CCDC38: variants seen among roughly 807,000 people sequenced by gnomAD.
The protein encoded by CCDC38 is coiled-coil domain containing 38, also known as coiled-coil domain-containing protein 38.
In CCDC38, 69 loss-of-function variants were observed where a neutral mutation model predicts 72.8. The observed-to-expected ratio is 0.95, with a 90% CI of 0.78 to 1.16. CCDC38 has a LOEUF of 1.16. CCDC38 is among the 50% of genes most tolerant of loss of function. The probability of loss-of-function intolerance (pLI) is 0.00; values close to 1 mark genes in which losing one functional copy is unlikely to be tolerated. For synonymous variants in CCDC38, 201 were observed against 213.2 expected (o/e 0.94, Z 0.50); for missense variants, 626 against 638.9 (o/e 0.98, Z 0.22).
chr12:95,927,887 A>G (rs946208483), intron 2 of CCDC38, among the ~76,000 whole-genome samples: 5 of 149,778 alleles, frequency 3.3e-5, no homozygotes, highest in Non-Finnish European at 5.9e-5. Flanking sequence ...TCTGGCTTGT[A>G]GGGTTTCTGC....
At chr12:95,929,073 C>T (rs1038117623) in intron 2 of CCDC38, among the ~76,000 whole-genome samples, 2 of 152,218 alleles carry the variant, frequency 1.3e-5, no homozygotes, top group Admixed American at 6.5e-5. Flanking sequence ...CCACCCAGTT[C>T]GAGCTTCCCG....
At position 95,906,415 on chromosome 12, in the gene CCDC38, T is replaced by C; in HGVS notation, c.341A>G (p.Asn114Ser). ...DTKRTVHEFI[N>S]DQRDRFLLEY... is the part of the protein sequence containing the mutation. ...GAGCAGAAACCTGTCTCTCTGGTCA[T>C]TAATAAATTCATGGACAGTCCTTTT... Residue 114 changes from asparagine to serine, a missense_variant, in exon 5 of 16, where the codon AAT becomes AGT. Transcript: ENST00000344280. 6.2e-7 allele frequency: 1 copy of C among 1,613,458 alleles called. No homozygotes were observed. Among genetic ancestry groups the C allele is most frequent in the Non-Finnish European group, 8.5e-7 (1 of 1,179,608 alleles).
intron 8 of CCDC38, among the ~76,000 whole-genome samples, chr12:95,892,791 G>A (rs998905267): frequency 2.0e-5 from 3 of 151,678 alleles, no homozygotes; most frequent in Admixed American, 6.6e-5. Context: ...GGCTGGTCTC[G>A]AACTCCTGAC....
chr12:95,924,328 G>A (rs1035631092), intron 2 of CCDC38, among the ~76,000 whole-genome samples: 11 of 147,644 alleles, frequency 7.5e-5, no homozygotes, highest in African/African-American at 2.5e-4. Context: ...TTTTTTGGCT[G>A]CATAAATGTC....
chr12:95,932,191 A>T (rs570820493), intron 2 of CCDC38, among the ~76,000 whole-genome samples: 19 of 152,200 alleles, frequency 1.2e-4, no homozygotes, highest in African/African-American at 3.9e-4. Flanking sequence ...GGAGTGGGGG[A>T]GTCAAGGATT....
chr12:95,895,037 G>A lies in CCDC38; in HGVS notation c.724C>T (p.Gln242Ter). The change falls in exon 8 of 16, where the codon CAG becomes TAG. Residue 242 changes from glutamine to a stop codon, truncating the protein, a stop_gained. Transcript: ENST00000344280. LOFTEE classifies it high-confidence loss of function. ...WQIQQALKRAQASKSKANIIL... is the reference protein window; with the variant it reads ...WQIQQALKRA ...ATATTTGCTTTACTTTTTGATGCCT[G>A]TGCTCTTTTTAGTGCTTGCTGGATT... 1 of 1,612,110 alleles carries A rather than the reference G, an allele frequency of 6.2e-7. No homozygotes were observed. Among genetic ancestry groups the A allele is most frequent in the South Asian group, 1.1e-5 (1 of 90,428 alleles).
At chr12:95,904,186 T>G (rs2079978009) in intron 5 of CCDC38, among the ~76,000 whole-genome samples, 1 of 152,314 alleles carries the variant, frequency 6.6e-6, no homozygotes, top group African/African-American at 2.4e-5. Flanking sequence ...AAATTCATAA[T>G]ATGTCAATGT....
At chr12:95,928,615 C>G (rs1240438513) in intron 2 of CCDC38, among the ~76,000 whole-genome samples, 2 of 152,184 alleles carry the variant, frequency 1.3e-5, no homozygotes, top group African/African-American at 2.4e-5. Context: ...GAGAGGCGCT[C>G]TGCTTTTTAG....
At chr12:95,910,868 T>A (rs1221247461) in intron 4 of CCDC38, among the ~76,000 whole-genome samples, 1 of 152,060 alleles carries the variant, frequency 6.6e-6, no homozygotes, top group Non-Finnish European at 1.5e-5. Flanking sequence ...TGTCTCTAAA[T>A]GAATAAATAA....
intron 12 of CCDC38, among the ~76,000 whole-genome samples, chr12:95,878,666 T>G (rs764741605): frequency 3.9e-5 from 6 of 152,116 alleles, no homozygotes; most frequent in Non-Finnish European, 7.3e-5. Flanking sequence ...TGGCTGATAA[T>G]CAGAATATGT....
intron 11 of CCDC38, chr12:95,880,022 G>A (rs1592757857): frequency 3.3e-6 from 1 of 304,260 alleles, no homozygotes; most frequent in Non-Finnish European, 6.0e-6. Context: ...AAAGGGATGG[G>A]GAAGAAAAAA....
At chr12:95,916,466 A>T (rs1051593531) in intron 4 of CCDC38, among the ~76,000 whole-genome samples, 1 of 150,756 alleles carries the variant, frequency 6.6e-6, no homozygotes, top group African/African-American at 2.4e-5. Context: ...TTTGGAAAAC[A>T]TTCATTTTGG....
chr12:95,894,677 A>G (rs1276173981), intron 8 of CCDC38, among the ~76,000 whole-genome samples: 1 of 152,150 alleles, frequency 6.6e-6, no homozygotes, highest in Non-Finnish European at 1.5e-5. Flanking sequence ...AAGCAGCCTG[A>G]AGCCCCCACC....
intron 13 of CCDC38, among the ~76,000 whole-genome samples, chr12:95,873,960 A>G (rs1417765210): frequency 1.3e-5 from 2 of 152,228 alleles, no homozygotes; most frequent in African/African-American, 4.8e-5. Flanking sequence ...CATGAATGAC[A>G]TGATCCTTTT....
At position 95,881,573 on chromosome 12, in the gene CCDC38, A is replaced by C. The variant is rs2079700629; in HGVS notation, c.921-19T>G. 1 of 1,598,422 alleles carries C rather than the reference A, an allele frequency of 6.3e-7. No individual in the cohort carries two copies. Among genetic ancestry groups the C allele is most frequent in the South Asian group, 1.1e-5 (1 of 88,754 alleles). On this transcript the variant is annotated intron_variant, in intron 10 of 15. Coordinates refer to ENST00000344280, the MANE Select transcript of CCDC38 (RefSeq NM_182496.3). ...AGCCAGGCTGTAAAAGAAAAAAGAA[A>C]AAGAAAATGTCTGATTTGTGAGCCA...
At chr12:95,925,346 C>G (rs887091928) in intron 2 of CCDC38, among the ~76,000 whole-genome samples, 10 of 151,944 alleles carry the variant, frequency 6.6e-5, no homozygotes, top group African/African-American at 1.9e-4. Context: ...CTGTTTGTCT[C>G]TTATTGGTGT....
At chr12:95,892,827 C>G (rs1565949667) in intron 8 of CCDC38, among the ~76,000 whole-genome samples, 1 of 152,028 alleles carries the variant, frequency 6.6e-6, no homozygotes, top group East Asian at 1.9e-4. Flanking sequence ...CCTTGGCCTC[C>G]CAAAATGCTG....
chr12:95,923,151 G>A (rs375514672), intron 2 of CCDC38, among the ~76,000 whole-genome samples: 1 of 152,082 alleles, frequency 6.6e-6, no homozygotes, highest in South Asian at 2.1e-4. Flanking sequence ...CACACCATCA[G>A]TTCCCCTGCT....
chr12:95,870,233 A>G (rs1453020446), intron 14 of CCDC38, among the ~76,000 whole-genome samples: 1 of 152,214 alleles, frequency 6.6e-6, no homozygotes, highest in Non-Finnish European at 1.5e-5. Context: ...CTGCCACAAA[A>G]GTGTACCTTC....
Sources: allele counts gnomAD v4.1 joint callset (sites outside exome capture counted in the v4.1 genomes callset), GRCh38; gene constraint gnomAD v4.1.1; transcripts MANE v1.5; gene names NCBI Gene and HGNC (gene_info 2026-07-23, HGNC 2026-07-21).